Variants in SPOCK3 observed in about 807,000 individuals in gnomAD.
SPOCK3 encodes the protein SPARC (osteonectin), cwcv and kazal like domains proteoglycan 3.
Under a neutral mutation model 56.6 loss-of-function variants are expected in SPOCK3, and 30 were observed. That is an observed-to-expected ratio of 0.53 (90% CI 0.40 to 0.72). SPOCK3 has a LOEUF of 0.72. SPOCK3 is among the 30% of genes least tolerant of loss of function. The pLI is 0.00. For synonymous variants in SPOCK3, 196 were observed against 183.3 expected, an observed-to-expected ratio of 1.07 and a Z score of -0.56; for missense variants, 527 against 530.0, an observed-to-expected ratio of 0.99 and a Z score of 0.06.
intron 2 of SPOCK3, among the ~76,000 whole-genome samples, chr4:167,231,289 C>T (rs898856685): frequency 6.6e-6 from 1 of 151,776 alleles, no homozygotes; most frequent in Non-Finnish European, 1.5e-5. Flanking sequence ...TTAAACAGTG[C>T]TGATTATGTA....
intron 2 of SPOCK3, among the ~76,000 whole-genome samples, chr4:167,110,820 C>T (rs576518745): frequency 4.0e-5 from 6 of 151,668 alleles, no homozygotes; most frequent in Middle Eastern, 3.2e-3. Context: ...GATTAGTAAC[C>T]ACTAGTGAAT....
intron 3 of SPOCK3, among the ~76,000 whole-genome samples, chr4:167,027,568 T>C (rs765442364): frequency 1.2e-4 from 18 of 152,188 alleles, no homozygotes; most frequent in Non-Finnish European, 2.2e-4. Context: ...CAAAAATCCA[T>C]GTATAACTGT....
intron 6 of SPOCK3, among the ~76,000 whole-genome samples, chr4:166,862,879 A>G (rs996878461): frequency 6.6e-6 from 1 of 151,864 alleles, no homozygotes; most frequent in African/African-American, 2.4e-5. Flanking sequence ...TATACTTAAA[A>G]TTATTCCTTC....
chr4:167,212,627 AT>A (rs1437368819), intron 2 of SPOCK3, among the ~76,000 whole-genome samples: 17 of 152,176 alleles, frequency 1.1e-4, no homozygotes, highest in Non-Finnish European at 2.5e-4. Flanking sequence ...ATATTTTTCT[AT>A]TCCTATTGCT....
rs1560926835 is a variant in SPOCK3 at position 166,847,682 on chromosome 4, A to ATATATAT, written c.589+41447_589+41448insATATATA. Among the ~76,000 whole-genome samples the ATATATAT allele has an allele frequency of 8.5e-3, 230 of 27,196 alleles. 7 individuals are homozygous for ATATATAT. Among genetic ancestry groups the ATATATAT allele is most frequent in the African/African-American group, 0.018 (217 of 12,012 alleles). 17.8% of individuals were successfully genotyped at this position (27,196 alleles called of 152,430 possible). On this transcript the variant is annotated intron_variant, in intron 6 of 10. Coordinates refer to ENST00000357545, the MANE Select transcript of SPOCK3 (RefSeq NM_001040159.2). ...ATATATATATATATATATATATATA[A>ATATATAT]GAATCATGTTTACTTTTTTTTACAG...
At chr4:167,118,838 C>A (rs1368482079) in intron 2 of SPOCK3, among the ~76,000 whole-genome samples, 10 of 152,094 alleles carry the variant, frequency 6.6e-5, no homozygotes. Context: ...ACTCAGGGGT[C>A]AATAGCAAAT....
At chr4:167,057,113 G>A (rs1433340925) in intron 3 of SPOCK3, among the ~76,000 whole-genome samples, 2 of 152,206 alleles carry the variant, frequency 1.3e-5, no homozygotes, top group Non-Finnish European at 2.9e-5. Flanking sequence ...CAAGCCAGAA[G>A]AGAGTGGGGG....
rs375568982 is a variant in SPOCK3 at position 166,872,055 on chromosome 4, T to TACACAC, written c.589+17069_589+17074dup. The stretch of plus-strand genomic sequence containing the variant: ...ACACACACACACAAACACACAAACA[T>TACACAC]ACACACACACACACACACACATATA... On this transcript the variant is annotated intron_variant, in intron 6 of 10. Coordinates refer to ENST00000357545, the MANE Select transcript of SPOCK3 (RefSeq NM_001040159.2). Among the ~76,000 whole-genome samples the TACACAC allele has an allele frequency of 1.5e-3, 227 of 149,080 alleles. 2 individuals are homozygous for TACACAC. Among genetic ancestry groups the TACACAC allele is most frequent in the Non-Finnish European group, 1.5e-3 (101 of 67,006 alleles).
rs538561129 is a variant in SPOCK3 at position 167,056,170 on chromosome 4, C to T, written c.235+6322G>A. Reference sequence around the variant, plus strand: ...CAAAAATCCGCTGTTCTGCAGCCACCGCTGCTGGTACCCAGGCAAACGGGG... The same window carrying T: ...CAAAAATCCGCTGTTCTGCAGCCACTGCTGCTGGTACCCAGGCAAACGGGG... On this transcript the variant is annotated intron_variant, in intron 3 of 10. Transcript: ENST00000357545. Among the ~76,000 whole-genome samples the T allele has an allele frequency of 2.1e-3, 316 of 152,254 alleles. 1 individual carries two copies. The highest frequency in any genetic ancestry group is 6.9e-3 in the African/African-American group (288 of 41,546).
intron 6 of SPOCK3, among the ~76,000 whole-genome samples, chr4:166,848,764 G>T (rs1297249776): frequency 6.6e-6 from 1 of 152,116 alleles, no homozygotes; most frequent in African/African-American, 2.4e-5. Flanking sequence ...GTTTGAGGAG[G>T]GCATGTGCAT....
chr4:167,183,897 T>C lies in SPOCK3; in HGVS notation c.189+50088A>G, dbSNP rs372454415. On this transcript the variant is annotated intron_variant, in intron 2 of 10. Coordinates refer to ENST00000357545, the MANE Select transcript of SPOCK3 (RefSeq NM_001040159.2). The stretch of plus-strand genomic sequence containing the variant: ...AAGATGTAGAAGAAATATCTAGACA[T>C]AGAAACTTTTATTAGAGATGGTCAT... Among the ~76,000 whole-genome samples, 93 of 152,286 alleles carry C rather than the reference T, an allele frequency of 6.1e-4. 1 individual carries two copies. In the South Asian group the frequency reaches 8.7e-3, roughly 14 times the overall value.
intron 4 of SPOCK3, among the ~76,000 whole-genome samples, chr4:166,970,370 G>A (rs945412882): frequency 7.9e-5 from 12 of 152,162 alleles, no homozygotes; most frequent in African/African-American, 2.7e-4. Flanking sequence ...TAACATCAAT[G>A]TACCACCACT....
intron 2 of SPOCK3, among the ~76,000 whole-genome samples, chr4:167,182,694 T>C (rs548580754): frequency 2.1e-4 from 32 of 152,154 alleles, no homozygotes; most frequent in Non-Finnish European, 3.5e-4. Context: ...CGCGCCACTA[T>C]GCCTGGCCAA....
At chr4:166,942,053 G>T (rs1384048047) in intron 4 of SPOCK3, among the ~76,000 whole-genome samples, 1 of 152,008 alleles carries the variant, frequency 6.6e-6, no homozygotes, top group Non-Finnish European at 1.5e-5. Context: ...CTGTTATAAT[G>T]CCATTTGATA....
intron 7 of SPOCK3, among the ~76,000 whole-genome samples, chr4:166,781,160 G>A (rs1415845681): frequency 6.6e-6 from 1 of 152,098 alleles, no homozygotes; most frequent in African/African-American, 2.4e-5. Context: ...CAAAAAGATA[G>A]AGACATGTAT....
intron 2 of SPOCK3, chr4:167,083,275 C>G: frequency 1.3e-6 from 1 of 765,118 alleles, no homozygotes; most frequent in Non-Finnish European, 2.4e-6. Flanking sequence ...TTCCTCCAAC[C>G]AAGCCCAAAT....
At chr4:166,958,099 G>A (rs1032041416) in intron 4 of SPOCK3, among the ~76,000 whole-genome samples, 1 of 152,132 alleles carries the variant, frequency 6.6e-6, no homozygotes, top group Non-Finnish European at 1.5e-5. Context: ...AGAGCCTGGT[G>A]GGAGTTGATT....
chr4:167,205,518 TTATA>T (rs1287315972), intron 2 of SPOCK3, among the ~76,000 whole-genome samples: 6 of 59,140 alleles, frequency 1.0e-4, no homozygotes, highest in African/African-American at 2.3e-4. Context: ...ATAATATATA[TTATA>T]TATATTATTA....
intron 3 of SPOCK3, among the ~76,000 whole-genome samples, chr4:167,046,272 C>T (rs1029975231): frequency 9.2e-5 from 14 of 151,526 alleles, no homozygotes; most frequent in Admixed American, 9.2e-4. Flanking sequence ...TTATTTTCTG[C>T]AGCTTAAAAA....
Sources: allele counts gnomAD v4.1 joint callset (sites outside exome capture counted in the v4.1 genomes callset), GRCh38; gene constraint gnomAD v4.1.1; transcripts MANE v1.5; gene names NCBI Gene and HGNC (gene_info 2026-07-23, HGNC 2026-07-21).